Variants in ZNF827 observed in about 807,000 individuals in gnomAD.
ZNF827 encodes the protein zinc finger protein 827.
In ZNF827, 13 loss-of-function variants were observed where a neutral mutation model predicts 102.4. That is an observed-to-expected ratio of 0.13 (90% CI 0.08 to 0.20). ZNF827 has a LOEUF of 0.20. ZNF827 is among the 10% of genes least tolerant of loss of function. The pLI is 1.00. For synonymous variants in ZNF827, 523 were observed against 536.2 expected, an observed-to-expected ratio of 0.98 and a Z score of 0.34; for missense variants, 1,103 against 1,344.4, an observed-to-expected ratio of 0.82 and a Z score of 2.81.
intron 8 of ZNF827, among the ~76,000 whole-genome samples, chr4:145,821,826 A>C (rs1743171851): frequency 6.6e-6 from 1 of 152,184 alleles, no homozygotes; most frequent in South Asian, 2.1e-4. Flanking sequence ...TTAAGCATAT[A>C]ATGAAATCAC....
At chr4:145,807,788 A>C (rs57042488) in intron 8 of ZNF827, among the ~76,000 whole-genome samples, 2,342 of 149,608 alleles carry the variant, frequency 0.016, 55 homozygotes, top group African/African-American at 0.055. Context: ...AAAAAAAAAC[A>C]AAAAACAAAA....
intron 11 of ZNF827, among the ~76,000 whole-genome samples, chr4:145,772,938 C>A (rs1371544541): frequency 6.6e-6 from 1 of 152,138 alleles, no homozygotes; most frequent in Non-Finnish European, 1.5e-5. Flanking sequence ...CCACTCACGA[C>A]AATTAAATGA....
At chr4:145,792,189 C>T (rs949681013) in intron 8 of ZNF827, among the ~76,000 whole-genome samples, 8 of 152,048 alleles carry the variant, frequency 5.3e-5, no homozygotes, top group African/African-American at 9.7e-5. Flanking sequence ...ATTTCATGGC[C>T]TCAGATCAAA....
In ZNF827 at chr4:145,870,292, C is replaced by T. The variant is rs201352785; in HGVS notation, c.1934G>A (p.Arg645Gln). 74 of 1,614,004 alleles carry T rather than the reference C, an allele frequency of 4.6e-5. No individual in the cohort carries two copies. The highest frequency in any genetic ancestry group is 5.8e-5 in the Non-Finnish European group (68 of 1,180,016). ...PQEGKGSVLR[R>Q]DVSVKAASEL... The stretch of plus-strand genomic sequence containing the variant: ...AGAGGCTGCTTTGACTGACACATCC[C>T]GCCTTAGCACACTTCCCTTCCCTTC... The change falls in exon 5 of 15, where the codon CGG (arginine) becomes CAG (glutamine). Residue 645 changes from arginine (R) to glutamine (Q), a missense_variant. Physicochemically the swap from Arg to Gln is conservative, Grantham distance 43. Transcript: ENST00000508784.
In ZNF827 at chr4:145,760,790, C is replaced by T. The variant is rs1734371712; in HGVS notation, c.*826G>A. 8.5e-7 allele frequency: 1 copy of T among 1,169,636 alleles called. No homozygotes were observed. The highest frequency in any genetic ancestry group is 1.7e-5 in the African/African-American group (1 of 60,476). 72.5% of individuals were successfully genotyped at this position (1,169,636 alleles called of 1,614,324 possible). On this transcript the variant is annotated 3_prime_UTR_variant, in exon 15 of 15. Transcript: ENST00000508784. ...GAACATGGCTGCCCTCAGACAGTCT[C>T]TGCTCTTTCTCTCAGTCCGAGATAG...
intron 4 of ZNF827, chr4:145,876,760 A>G (rs1749182089): frequency 6.6e-6 from 1 of 152,224 alleles, no homozygotes; most frequent in African/African-American, 2.4e-5. Context: ...TGAGTTCTGG[A>G]TACTGCTTAT....
chr4:145,760,759 G>A lies in ZNF827; in HGVS notation c.*857C>T, dbSNP rs1166432258. On this transcript the variant is annotated 3_prime_UTR_variant, in exon 15 of 15. Coordinates refer to ENST00000508784, the MANE Select transcript of ZNF827 (RefSeq NM_001306215.2). ...TTTTGTCTTTTGTCTCTCTGTTTTT[G>A]GTACAGAACATGGCTGCCCTCAGAC... is the stretch of plus-strand genomic sequence containing the variant. 2.7e-6 allele frequency: 2 copies of A among 749,380 alleles called. No homozygotes were observed. The highest frequency in any genetic ancestry group is 3.3e-6 in the Non-Finnish European group (2 of 610,016). 46.4% of individuals were successfully genotyped at this position (749,380 alleles called of 1,614,324 possible). A position where few individuals can be genotyped will look rare whatever the true frequency, so the allele number is the denominator to read the frequency against.
intron 1 of ZNF827, among the ~76,000 whole-genome samples, chr4:145,937,855 C>G (rs930398416): frequency 1.1e-3 from 168 of 151,184 alleles, no homozygotes; most frequent in Non-Finnish European, 2.1e-3. Context: ...TGCGCGCCCT[C>G]TCCCCGACAC....
At chr4:145,854,301 T>C (rs539815530) in intron 5 of ZNF827, among the ~76,000 whole-genome samples, 1 of 151,868 alleles carries the variant, frequency 6.6e-6, no homozygotes, top group South Asian at 2.1e-4. Flanking sequence ...ATTTGTGACA[T>C]GGAGATGGGA....
At chr4:145,860,571 C>G (rs970629379) in intron 5 of ZNF827, among the ~76,000 whole-genome samples, 11 of 152,202 alleles carry the variant, frequency 7.2e-5, no homozygotes, top group Admixed American at 5.9e-4. Context: ...CTTCCCTCCT[C>G]TCTCCAGCTG....
chr4:145,850,314 C>T (rs902144647), intron 5 of ZNF827, among the ~76,000 whole-genome samples: 2 of 152,034 alleles, frequency 1.3e-5, no homozygotes, highest in Non-Finnish European at 2.9e-5. Context: ...CCGGCCTCTC[C>T]CTCTATTTTT....
intron 4 of ZNF827, chr4:145,870,713 T>C: frequency 2.3e-6 from 1 of 427,644 alleles, no homozygotes; most frequent in South Asian, 4.3e-5. Context: ...TTTTAAGAAG[T>C]GCTACCTCTA....
chr4:145,861,979 A>C (rs917648393), intron 5 of ZNF827, among the ~76,000 whole-genome samples: 1 of 152,212 alleles, frequency 6.6e-6, no homozygotes, highest in Non-Finnish European at 1.5e-5. Context: ...TCAAAAAAGC[A>C]AAAAGGGTAG....
At chr4:145,826,292 G>A (rs535919267) in intron 7 of ZNF827, among the ~76,000 whole-genome samples, 1 of 152,228 alleles carries the variant, frequency 6.6e-6, no homozygotes, top group South Asian at 2.1e-4. Flanking sequence ...GAGGGGTGCT[G>A]TAAGGGTTCA....
intron 1 of ZNF827, among the ~76,000 whole-genome samples, chr4:145,914,334 C>T (rs1419863646): frequency 6.6e-6 from 1 of 152,184 alleles, no homozygotes; most frequent in Non-Finnish European, 1.5e-5. Context: ...AACGCGCCCC[C>T]TGCAACCCAC....
intron 8 of ZNF827, among the ~76,000 whole-genome samples, chr4:145,792,466 T>G (rs1739841960): frequency 6.6e-6 from 1 of 152,038 alleles, no homozygotes; most frequent in South Asian, 2.1e-4. Flanking sequence ...ATTTCAGGAT[T>G]GAGAAATGGA....
At chr4:145,868,266 T>C (rs1387287398) in intron 5 of ZNF827, among the ~76,000 whole-genome samples, 3 of 152,246 alleles carry the variant, frequency 2.0e-5, no homozygotes, top group Non-Finnish European at 4.4e-5. Context: ...CCTGGATTAC[T>C]TCTGACTAGA....
intron 2 of ZNF827, among the ~76,000 whole-genome samples, chr4:145,894,013 T>C (rs1005637688): frequency 1.3e-5 from 2 of 152,198 alleles, no homozygotes; most frequent in Non-Finnish European, 2.9e-5. Context: ...AAAGGACATT[T>C]CTCAGATAAT....
chr4:145,891,136 A>G lies in ZNF827; in HGVS notation c.1266+1107T>C, dbSNP rs76396706. Among the ~76,000 whole-genome samples, 730 of 152,368 alleles carry G rather than the reference A, an allele frequency of 4.8e-3. 3 individuals are homozygous for G. Among genetic ancestry groups the G allele is most frequent in the Non-Finnish European group, 7.5e-3 (513 of 68,032 alleles). ...TCAACAGCCAAATCATATCGAAAAT[A>G]TCAGTGAAGATATGATTGCTATTAA... is the stretch of plus-strand genomic sequence containing the variant. On this transcript the variant is annotated intron_variant, in intron 3 of 14. Coordinates refer to ENST00000508784, the MANE Select transcript of ZNF827 (RefSeq NM_001306215.2).
Sources: allele counts gnomAD v4.1 joint callset (sites outside exome capture counted in the v4.1 genomes callset), GRCh38; gene constraint gnomAD v4.1.1; transcripts MANE v1.5; gene names NCBI Gene and HGNC (gene_info 2026-07-23, HGNC 2026-07-21).